The following DISP2 variants were observed in gnomAD, a reference collection of about 807,000 sequenced individuals.
DISP2 encodes the protein protein dispatched homolog 2.
In DISP2, 59 loss-of-function variants were observed where a neutral mutation model predicts 95.5. The observed-to-expected ratio is 0.62, with a 90% CI of 0.50 to 0.77. The LOEUF (loss-of-function observed/expected upper bound fraction) is 0.77. Ranked by LOEUF, DISP2 falls within the 30% of genes least tolerant of loss-of-function variation. DISP2 has a pLI of 0.00. For missense variants in DISP2, 1,752 were observed against 1,854.6 expected (o/e 0.94, Z 1.02); for synonymous variants, 827 against 815.0 (o/e 1.01, Z -0.25).
chr15:40,369,047 C>T lies in DISP2; in HGVS notation c.2935C>T (p.Leu979=), dbSNP rs111238108. The T allele has an allele frequency of 5.1e-5, 82 of 1,614,034 alleles. No homozygotes were observed. The African/African-American group carries it at 5.3e-4, about 10-fold the overall frequency. The change falls in exon 8 of 8, where the codon CTG becomes TTG. Residue 979 remains leucine, a synonymous_variant. Coordinates refer to ENST00000267889, the MANE Select transcript of DISP2 (RefSeq NM_033510.3). ...GGCTTTGGCGCTGGCCTTTGCCACA[C>T]TGCTCCTGGGCACCTGGAATGTTCC... ...GLALALAFAT[L]LLGTWNVPLS... is the part of the protein sequence containing the mutation.
chr15:40,370,501 A>C lies in DISP2; in HGVS notation c.*183A>C. 10 of 1,107,580 alleles carry C rather than the reference A, an allele frequency of 9.0e-6. No individual in the cohort carries two copies. Among genetic ancestry groups the C allele is most frequent in the South Asian group, 1.4e-5 (1 of 72,802 alleles). 68.6% of individuals were successfully genotyped at this position (1,107,580 alleles called of 1,614,324 possible). A position where few individuals can be genotyped will look rare whatever the true frequency, so the allele number is the denominator to read the frequency against. On this transcript the variant is annotated 3_prime_UTR_variant, in exon 8 of 8. Coordinates refer to ENST00000267889, the MANE Select transcript of DISP2 (RefSeq NM_033510.3). ...TGATCTGTCTGCTCCTACTCCTCAC[A>C]TCTGGAGGATTCCAGCAGGAGGGGT...
chr15:40,367,134 G>T lies in DISP2; in HGVS notation c.1022G>T (p.Gly341Val). 1 of 1,613,872 alleles carries T rather than the reference G, an allele frequency of 6.2e-7. No individual in the cohort carries two copies. The highest frequency in any genetic ancestry group is 8.5e-7 in the Non-Finnish European group (1 of 1,180,022). ...CAGTGCTGCCCCAGCTGGTCCCTGGGCAACTATCTGGCTGTGCTCTCCAAC... is the reference window on the plus strand; with the variant it reads ...CAGTGCTGCCCCAGCTGGTCCCTGGTCAACTATCTGGCTGTGCTCTCCAAC... ...ANQCCPSWSL[G>V]NYLAVLSNRS... Residue 341 changes from glycine (G) to valine (V), a missense_variant, in exon 8 of 8, where the codon GGC becomes GTC. Coordinates refer to ENST00000267889, the MANE Select transcript of DISP2 (RefSeq NM_033510.3).
At position 40,378,084 on chromosome 15, in the gene DISP2, A is replaced by G. The variant is rs1282710644; in HGVS notation, c.*7766A>G. The G allele has an allele frequency of 6.6e-6, 1 of 152,280 alleles. No homozygotes were observed. Among genetic ancestry groups the G allele is most frequent in the East Asian group, 1.9e-4 (1 of 5,206 alleles). 9.4% of individuals were successfully genotyped at this position (152,280 alleles called of 1,614,324 possible). A position where few individuals can be genotyped will look rare whatever the true frequency, so the allele number is the denominator to read the frequency against. On this transcript the variant is annotated 3_prime_UTR_variant, in exon 8 of 8. Transcript: ENST00000267889. ...AAAATTAACGAGCACCCAAAAATGT[A>G]AAATTCACAATGGCTGGTTTTCCAA...
rs1248689177 is a variant in DISP2 at position 40,374,601 on chromosome 15, A to C, written c.*4283A>C. On this transcript the variant is annotated 3_prime_UTR_variant, in exon 8 of 8. Coordinates refer to ENST00000267889, the MANE Select transcript of DISP2 (RefSeq NM_033510.3). ...TTTACAACCTTTGCCTATCGTCCAG[A>C]GAGTTTCTGATCTTTTCTTTTTTTT... The C allele has an allele frequency of 2.2e-5, 3 of 137,052 alleles. No homozygotes were observed. Among genetic ancestry groups the C allele is most frequent in the African/African-American group, 8.0e-5 (3 of 37,628 alleles). The allele number at this position is 137,052 out of a possible 1,614,324, so 8.5% of individuals were successfully genotyped here. A position where few individuals can be genotyped will look rare whatever the true frequency, so the allele number is the denominator to read the frequency against.
intron 1 of DISP2, among the ~76,000 whole-genome samples, chr15:40,359,354 G>A (rs1889371560): frequency 6.6e-6 from 1 of 152,236 alleles, no homozygotes; most frequent in Admixed American, 6.5e-5. Flanking sequence ...CTGTACCCCA[G>A]AGGGGGAGAA....
At chr15:40,365,887 G>T (rs975099821) in intron 7 of DISP2, among the ~76,000 whole-genome samples, 162 bp downstream of exon 7, 1 of 152,236 alleles carries the variant, frequency 6.6e-6, no homozygotes, top group African/African-American at 2.4e-5. Context: ...GCTCCAGGTT[G>T]GGGTGGGAAA....
chr15:40,365,263 G>A lies in DISP2; in HGVS notation c.836G>A (p.Cys279Tyr). The change falls in exon 6 of 8, where the codon TGT (cysteine) becomes TAT (tyrosine). Residue 279 changes from cysteine (C) to tyrosine (Y), a missense_variant. By Grantham distance (194) the Cys-to-Tyr change is radical. Transcript: ENST00000267889. ...GACAGAAGGCAAGAGAACTTCTTCT[G>A]TGGCCCCCCTGGTAAGCTGCAGCCT... ...LEDRRQENFF[C>Y]GPPEKSYAKL... 1 of 1,613,840 alleles carries A rather than the reference G, an allele frequency of 6.2e-7. No individual in the cohort carries two copies. Among genetic ancestry groups the A allele is most frequent in the East Asian group, 2.2e-5 (1 of 44,886 alleles).
Position 40,369,647 on chromosome 15 carries a change from A to G in DISP2, c.3535A>G (p.Ser1179Gly). ...GCGTCGGAGCCCCAGCTTTGACACCAGCACAGCCACCAGCAAGCTGTCCCA... is the reference window on the plus strand; with the variant it reads ...GCGTCGGAGCCCCAGCTTTGACACCGGCACAGCCACCAGCAAGCTGTCCCA... ...ARRRSPSFDT[S>G]TATSKLSHRP... The change falls in exon 8 of 8, where the codon AGC becomes GGC. Residue 1179 changes from serine to glycine, a missense_variant. Around this residue, in one of 5 missense-constraint regions of DISP2, gnomAD observed 347 missense variants for 344.2 expected, o/e 1.01. Transcript: ENST00000267889. 1.9e-6 allele frequency: 3 copies of G among 1,612,040 alleles called. No individual in the cohort carries two copies. Among genetic ancestry groups the G allele is most frequent in the Non-Finnish European group, 2.5e-6 (3 of 1,179,996 alleles).
chr15:40,358,507 C>T (rs891054422), intron 1 of DISP2, 67 bp downstream of exon 1: 1 of 1,122,118 alleles, frequency 8.9e-7, no homozygotes, highest in African/African-American at 1.6e-5. Context: ...CCAGGTATCC[C>T]CAGTAGCCGC....
At position 40,374,951 on chromosome 15, in the gene DISP2, A is replaced by G. The variant is rs2141266439; in HGVS notation, c.*4633A>G. 6.6e-6 allele frequency: 1 copy of G among 152,230 alleles called. No individual in the cohort carries two copies. The highest frequency in any genetic ancestry group is 2.1e-4 in the South Asian group (1 of 4,830). The allele number at this position is 152,230 out of a possible 1,614,324, so 9.4% of individuals were successfully genotyped here. On this transcript the variant is annotated 3_prime_UTR_variant, in exon 8 of 8. Transcript: ENST00000267889. ...GGTGGCAGTATCTCATTTTTTGATAATACACATGGGTAATGGCAAGCTCTT... is the reference window on the plus strand; with the variant it reads ...GGTGGCAGTATCTCATTTTTTGATAGTACACATGGGTAATGGCAAGCTCTT...
intron 4 of DISP2, 66 bp downstream of exon 4, chr15:40,364,610 A>G (rs2141260612): frequency 6.3e-7 from 1 of 1,580,096 alleles, no homozygotes; most frequent in Middle Eastern, 1.9e-4. Context: ...TGGGGCAGAA[A>G]GTTGGAGGTA....
Position 40,370,794 on chromosome 15 carries a change from C to A in DISP2, c.*476C>A. 2.7e-6 allele frequency: 1 copy of A among 370,362 alleles called. No homozygotes were observed. Among genetic ancestry groups the A allele is most frequent in the South Asian group, 2.0e-5 (1 of 51,064 alleles). The allele number at this position is 370,362 out of a possible 1,614,324, so 22.9% of individuals were successfully genotyped here. On this transcript the variant is annotated 3_prime_UTR_variant, in exon 8 of 8. Coordinates refer to ENST00000267889, the MANE Select transcript of DISP2 (RefSeq NM_033510.3). ...CTCACCCCTTTCATGGGCTCTTCAT[C>A]AGGACACTTCCCTCTCTTTTGGGAG...
chr15:40,364,731 G>A (rs1889468544), intron 4 of DISP2, 107 bp from the exon 5 acceptor site: 11 of 1,390,610 alleles, frequency 7.9e-6, no homozygotes, highest in African/African-American at 2.9e-5. Context: ...TCAGGCAGGC[G>A]GGCTGGCCTT....
chr15:40,359,311 C>T (rs527795994), intron 1 of DISP2, among the ~76,000 whole-genome samples: 5 of 152,330 alleles, frequency 3.3e-5, no homozygotes, highest in Admixed American at 2.0e-4. Flanking sequence ...GTGGACACAT[C>T]GTCTCCAGAA....
chr15:40,378,561 A>G lies in DISP2; in HGVS notation c.*8243A>G, dbSNP rs541371865. ...AACCATTGGGGGAAACTGGGTAAAG[A>G]GTCCAAAGGACCTCCCTATACTATC... is the stretch of plus-strand genomic sequence containing the variant. On this transcript the variant is annotated 3_prime_UTR_variant, in exon 8 of 8. Transcript: ENST00000267889. 47 of 152,322 alleles carry G rather than the reference A, an allele frequency of 3.1e-4. No individual in the cohort carries two copies. Among genetic ancestry groups the G allele is most frequent in the African/African-American group, 1.1e-3 (47 of 41,584 alleles). The allele number at this position is 152,322 out of a possible 1,614,324, so 9.4% of individuals were successfully genotyped here. A position where few individuals can be genotyped will look rare whatever the true frequency, so the allele number is the denominator to read the frequency against.
rs1369066917 is a variant in DISP2, at chr15:40,376,620, A to AAAAT, written c.*6317_*6320dup. On this transcript the variant is annotated 3_prime_UTR_variant, in exon 8 of 8. Coordinates refer to ENST00000267889, the MANE Select transcript of DISP2 (RefSeq NM_033510.3). ...GGGTGACAGAGCGAGACTACATCTC[A>AAAAT]AAATAAATAAATAAATAATAAAATA... 2.0e-5 allele frequency: 3 copies of AAAAT among 151,972 alleles called. No homozygotes were observed. The highest frequency in any genetic ancestry group is 6.6e-5 in the Admixed American group (1 of 15,258). 9.4% of individuals were successfully genotyped at this position (151,972 alleles called of 1,614,324 possible).
Position 40,358,251 on chromosome 15 carries a change from G to GCCACCA in DISP2, c.-66_-65insACCACC, listed in dbSNP as rs1198317254. The GCCACCA allele has an allele frequency of 3.7e-6, 4 of 1,087,204 alleles. No homozygotes were observed. The highest frequency in any genetic ancestry group is 3.4e-6 in the Non-Finnish European group (3 of 889,718). The allele number at this position is 1,087,204 out of a possible 1,614,324, so 67.3% of individuals were successfully genotyped here. ...CGAGCACCCCGCCGCCGCTGCCGCC[G>GCCACCA]CCACCGCCGCCGCCGCCGCCGCCGC... On this transcript the variant is annotated 5_prime_UTR_variant, in exon 1 of 8. Coordinates refer to ENST00000267889, the MANE Select transcript of DISP2 (RefSeq NM_033510.3).
In DISP2 at chr15:40,374,010, A is replaced by ATATAT. The variant is rs1555400590; in HGVS notation, c.*3692_*3693insTATAT. The ATATAT allele has an allele frequency of 1.1e-5, 1 of 93,770 alleles. No homozygotes were observed. Among genetic ancestry groups the ATATAT allele is most frequent in the East Asian group, 2.6e-4 (1 of 3,862 alleles). 5.8% of individuals were successfully genotyped at this position (93,770 alleles called of 1,614,324 possible). On this transcript the variant is annotated 3_prime_UTR_variant, in exon 8 of 8. Transcript: ENST00000267889. ...CAGAGCGAGACTCCATCTTAAAAAA[A>ATATAT]AAAAATATATATATATATATATGTA...
chr15:40,363,264 A>G (rs1889434916), intron 1 of DISP2, among the ~76,000 whole-genome samples: 1 of 151,038 alleles, frequency 6.6e-6, no homozygotes, highest in South Asian at 2.1e-4. Flanking sequence ...GTGAACTGAG[A>G]TAGCGCCACT....
Sources: gnomAD v4.1 joint callset for allele counts (sites outside exome capture counted in the v4.1 genomes callset) on GRCh38, gnomAD v4.1.1 for gene constraint, gnomAD v4.1.1 regional missense constraint, MANE v1.5 for transcripts, NCBI Gene and HGNC (gene_info 2026-07-23, HGNC 2026-07-21) for gene names.